DNAJC1: variants seen among roughly 807,000 people sequenced by gnomAD.
DNAJC1 encodes DnaJ heat shock protein family (Hsp40) member C1, also known as dnaJ homolog subfamily C member 1.
In DNAJC1, 58 loss-of-function variants were observed where a neutral mutation model predicts 76.6. The ratio of observed to expected loss-of-function variants is 0.76; its 90% confidence interval spans 0.61 to 0.94. DNAJC1 has a LOEUF of 0.94. Among genes scored for constraint, DNAJC1 ranks in the 40% least tolerant of loss-of-function variants. DNAJC1 has a pLI of 0.00. For synonymous variants in DNAJC1, 258 were observed against 267.9 expected (o/e 0.96, Z 0.36); for missense variants, 689 against 677.3 (o/e 1.02, Z -0.19).
chr10:21,862,803 C>T (rs1471334624), intron 8 of DNAJC1, among the ~76,000 whole-genome samples: 1 of 151,946 alleles, frequency 6.6e-6, no homozygotes, highest in Non-Finnish European at 1.5e-5. Flanking sequence ...AGGAAGTTCT[C>T]AAATCAACCT....
intron 8 of DNAJC1, among the ~76,000 whole-genome samples, chr10:21,829,359 G>T (rs535079205): frequency 6.6e-6 from 1 of 152,052 alleles, no homozygotes; most frequent in Non-Finnish European, 1.5e-5. Flanking sequence ...GACTACAGGC[G>T]CCCACCACTA....
chr10:21,819,987 G>A (rs1273837729), intron 8 of DNAJC1, among the ~76,000 whole-genome samples: 1 of 152,166 alleles, frequency 6.6e-6, no homozygotes, highest in African/African-American at 2.4e-5. Context: ...CCTATTTAAA[G>A]TGTATAATTC....
intron 6 of DNAJC1, among the ~76,000 whole-genome samples, chr10:21,917,888 G>A (rs539917803): frequency 4.0e-5 from 6 of 151,850 alleles, no homozygotes; most frequent in African/African-American, 1.4e-4. Flanking sequence ...AAAAATAAAG[G>A]AAAATGCAGA....
chr10:21,981,392 A>G (rs1024074773), intron 1 of DNAJC1, among the ~76,000 whole-genome samples: 18 of 152,212 alleles, frequency 1.2e-4, no homozygotes, highest in Non-Finnish European at 1.9e-4. Context: ...TTGCCATGGA[A>G]TTGAGAGCAG....
intron 1 of DNAJC1, among the ~76,000 whole-genome samples, chr10:21,950,954 A>G (rs1837583964): frequency 6.6e-6 from 1 of 152,216 alleles, no homozygotes; most frequent in South Asian, 2.1e-4. Flanking sequence ...CCACAACATA[A>G]AAGTGCTAGA....
At chr10:21,857,877 A>AC (rs981746977) in intron 8 of DNAJC1, among the ~76,000 whole-genome samples, 30 of 152,106 alleles carry the variant, frequency 2.0e-4, no homozygotes, top group Middle Eastern at 3.4e-3. Context: ...AAACAAACAA[A>AC]AAAAAAAACC....
chr10:21,883,972 A>G (rs1207000470), intron 7 of DNAJC1, among the ~76,000 whole-genome samples: 1 of 152,234 alleles, frequency 6.6e-6, no homozygotes. Context: ...CTTACACTGT[A>G]TACACAAATA....
chr10:21,932,597 A>C (rs1047636181), intron 1 of DNAJC1, among the ~76,000 whole-genome samples: 1 of 152,164 alleles, frequency 6.6e-6, no homozygotes, highest in Non-Finnish European at 1.5e-5. Flanking sequence ...TGCCAACCTA[A>C]GGCCTTGGTT....
At chr10:21,792,738 G>A in intron 9 of DNAJC1, among the ~76,000 whole-genome samples, 1 of 136,300 alleles carries the variant, frequency 7.3e-6, no homozygotes, top group African/African-American at 2.8e-5. Flanking sequence ...CAGCCTGGGT[G>A]ACAGAGTGAG....
intron 1 of DNAJC1, among the ~76,000 whole-genome samples, chr10:21,975,641 C>A (rs1219389677): frequency 8.1e-6 from 1 of 123,852 alleles, no homozygotes; most frequent in African/African-American, 3.0e-5. Context: ...TACTAGCTAT[C>A]TTACTTACTG....
intron 9 of DNAJC1, among the ~76,000 whole-genome samples, chr10:21,768,838 C>T (rs1340061269): frequency 6.6e-6 from 1 of 152,150 alleles, no homozygotes; most frequent in Non-Finnish European, 1.5e-5. Flanking sequence ...CATTCCTTCC[C>T]CTTGAGGCTA....
At chr10:21,852,596 G>A (rs1463803639) in intron 8 of DNAJC1, among the ~76,000 whole-genome samples, 2 of 152,170 alleles carry the variant, frequency 1.3e-5, no homozygotes, top group Non-Finnish European at 2.9e-5. Context: ...AGGGTGTGGA[G>A]CAACAGAAAT....
chr10:21,990,707 C>G (rs959577547), intron 1 of DNAJC1, among the ~76,000 whole-genome samples: 3 of 152,170 alleles, frequency 2.0e-5, no homozygotes, highest in Admixed American at 2.0e-4. Flanking sequence ...CCACCAACTT[C>G]AGGACTCTAT....
At chr10:21,777,492 T>G (rs139292145) in intron 9 of DNAJC1, among the ~76,000 whole-genome samples, 92 of 152,300 alleles carry the variant, frequency 6.0e-4, no homozygotes, top group African/African-American at 2.1e-3. Flanking sequence ...GCAGAATCAC[T>G]TAGGAGCATA....
At chr10:21,838,771 C>T (rs1421163356) in intron 8 of DNAJC1, among the ~76,000 whole-genome samples, 1 of 152,200 alleles carries the variant, frequency 6.6e-6, no homozygotes, top group Non-Finnish European at 1.5e-5. Context: ...CTACAGAACT[C>T]TCCACCCCAA....
chr10:21,984,992 A>T (rs546498031), intron 1 of DNAJC1, among the ~76,000 whole-genome samples: 1 of 152,352 alleles, frequency 6.6e-6, no homozygotes, highest in Non-Finnish European at 1.5e-5. Flanking sequence ...TTACAGACTA[A>T]TCTATCAAAT....
chr10:21,830,228 A>C (rs571285182), intron 8 of DNAJC1, among the ~76,000 whole-genome samples: 4 of 152,044 alleles, frequency 2.6e-5, no homozygotes, highest in African/African-American at 4.8e-5. Context: ...CTTTTTTTCT[A>C]CATTCAATTT....
At position 21,813,200 on chromosome 10, in the gene DNAJC1, CTCTCTCTCTCTCTCTCTCTCTA is replaced by C. The variant is rs1371870872; in HGVS notation, c.979-7123_979-7102del. Among the ~76,000 whole-genome samples, 499 of 81,320 alleles carry C rather than the reference CTCTCTCTCTCTCTCTCTCTCTA, an allele frequency of 6.1e-3. 1 individual carries two copies. Among genetic ancestry groups the C allele is most frequent in the Non-Finnish European group, 9.5e-3 (425 of 44,530 alleles). The allele number at this position is 81,320 out of a possible 152,430, so 53.3% of individuals were successfully genotyped here. ...CCTCTCTCTCTCTCTCTCTCTCTCT[CTCTCTCTCTCTCTCTCTCTCTA>C]TATATATATATATATATATATACAC... On this transcript the variant is annotated intron_variant, in intron 8 of 11. Transcript: ENST00000376980.
intron 9 of DNAJC1, among the ~76,000 whole-genome samples, chr10:21,805,044 C>T (rs1834867859): frequency 6.6e-6 from 1 of 152,038 alleles, no homozygotes; most frequent in South Asian, 2.1e-4. Context: ...CATTTATAAG[C>T]TCCTTTTGGT....
Sources: gnomAD v4.1 joint callset for allele counts (sites outside exome capture counted in the v4.1 genomes callset) on GRCh38, gnomAD v4.1.1 for gene constraint, MANE v1.5 for transcripts, NCBI Gene and HGNC (gene_info 2026-07-23, HGNC 2026-07-21) for gene names.